Variants in IQCH observed in about 807,000 individuals in gnomAD.
The protein encoded by IQCH is IQ domain-containing protein H.
In IQCH, 98 loss-of-function variants were observed where a neutral mutation model predicts 117.0. That is an observed-to-expected ratio of 0.84 (90% CI 0.71 to 0.99). The LOEUF (loss-of-function observed/expected upper bound fraction) is 0.99. Among genes scored for constraint, IQCH ranks in the 50% least tolerant of loss-of-function variants. The probability of loss-of-function intolerance (pLI) is 0.00; values close to 1 mark genes in which losing one functional copy is unlikely to be tolerated. For synonymous variants in IQCH, 412 were observed against 448.2 expected, an observed-to-expected ratio of 0.92 and a Z score of 1.02; for missense variants, 1,102 against 1,243.8, an observed-to-expected ratio of 0.89 and a Z score of 1.72.
At position 67,254,964 on chromosome 15, in the gene IQCH, C is replaced by T. The variant is rs766788620; in HGVS notation, c.51+17C>T. On this transcript the variant is annotated intron_variant, in intron 1 of 20. Transcript: ENST00000335894. ...TTAATCCAGGTGGGAAACGGGCTTCCCCCGGCCCTGCCCTGCCCAGCCGCG... is the reference window on the plus strand; with the variant it reads ...TTAATCCAGGTGGGAAACGGGCTTCTCCCGGCCCTGCCCTGCCCAGCCGCG... The T allele has an allele frequency of 1.9e-6, 3 of 1,610,324 alleles. No homozygotes were observed. In the East Asian group the frequency reaches 6.7e-5, roughly 36 times the overall value.
Position 67,494,274 on chromosome 15 carries a change from C to G in IQCH, c.2878C>G (p.Leu960Val). 3 of 1,610,584 alleles carry G rather than the reference C, an allele frequency of 1.9e-6. No homozygotes were observed. Residue 960 changes from leucine to valine, a missense_variant, in exon 20 of 21, where the codon CTC becomes GTC. Physicochemically the swap from Leu to Val is conservative, Grantham distance 32. This residue lies in a region of IQCH where 650 missense variants were observed against 794.3 expected (regional missense o/e 0.82). Transcript: ENST00000335894. The surrounding 1 kb of genome is among the most constrained non-coding windows in gnomAD (Gnocchi z 5.5). ...CATTAACAGAACAATCGGCGAGGATCTCCAGGGGGTCCTCATGACCTTTGC... is the reference window on the plus strand; with the variant it reads ...CATTAACAGAACAATCGGCGAGGATGTCCAGGGGGTCCTCATGACCTTTGC... ...KLGMLTIGED[L>V]QGVLMTFARH... is the part of the protein sequence containing the mutation.
rs769619551 is a variant in IQCH at position 67,490,096 on chromosome 15, A to T, written c.2861+32A>T. 1.3e-5 allele frequency: 16 copies of T among 1,279,318 alleles called. No individual in the cohort carries two copies. Among genetic ancestry groups the T allele is most frequent in the Non-Finnish European group, 1.3e-5 (12 of 929,722 alleles). The allele number at this position is 1,279,318 out of a possible 1,614,324, so 79.2% of individuals were successfully genotyped here. ...ATGAAGTGTATCTGTGAGTTGCAAT[A>T]AGCTAAGGAAATAGACAATCACAAC... On this transcript the variant is annotated intron_variant, in intron 19 of 20. Coordinates refer to ENST00000335894, the MANE Select transcript of IQCH (RefSeq NM_001031715.3). The surrounding 1 kb of genome is among the most constrained non-coding windows in gnomAD (Gnocchi z 4.9).
rs1273736463 is a variant in IQCH at position 67,391,926 on chromosome 15, T to G, written c.1632+2920T>G. On this transcript the variant is annotated intron_variant, in intron 12 of 20. Coordinates refer to ENST00000335894, the MANE Select transcript of IQCH (RefSeq NM_001031715.3). This position sits in a 1 kb window ranked among gnomAD's most constrained non-coding sequence, Gnocchi z 4.3. ...CAGAACTCCATCCTGGCTGGAAATA[T>G]GCTCAGAATGTTAACATTAGGTTCT... Among the ~76,000 whole-genome samples, 5 of 152,166 alleles carry G rather than the reference T, an allele frequency of 3.3e-5. No homozygotes were observed. The highest frequency in any genetic ancestry group is 2.0e-4 in the Admixed American group (3 of 15,274).
intron 14 of IQCH, among the ~76,000 whole-genome samples, chr15:67,402,546 GTCC>G (rs1220577137): frequency 6.6e-6 from 1 of 152,144 alleles, no homozygotes; most frequent in Non-Finnish European, 1.5e-5. Flanking sequence ...ATGTTTTAAT[GTCC>G]TATTACAGTT....
chr15:67,368,990 A>G (rs1192162660), intron 8 of IQCH, among the ~76,000 whole-genome samples: 1 of 152,056 alleles, frequency 6.6e-6, no homozygotes, highest in Admixed American at 6.5e-5. Context: ...GGCTCAAGCA[A>G]TCCTCTCACC....
chr15:67,293,227 A>G (rs1049881469), intron 4 of IQCH, among the ~76,000 whole-genome samples: 1 of 152,210 alleles, frequency 6.6e-6, no homozygotes, highest in Admixed American at 6.5e-5. Flanking sequence ...GTTGGGCCCT[A>G]TTTTAGGCAT....
intron 4 of IQCH, among the ~76,000 whole-genome samples, chr15:67,311,272 T>G (rs1967582047): frequency 6.6e-6 from 1 of 151,326 alleles, no homozygotes; most frequent in Admixed American, 6.6e-5. Context: ...ACAAAAAATT[T>G]CTACTATTTT....
chr15:67,451,672 G>T (rs912890525), intron 16 of IQCH, among the ~76,000 whole-genome samples: 2 of 152,138 alleles, frequency 1.3e-5, no homozygotes, highest in Non-Finnish European at 2.9e-5. Flanking sequence ...AGTAGGTGTG[G>T]TGTGGTGCTG....
In IQCH at chr15:67,403,056, T is replaced by C. The variant is rs1283436642; in HGVS notation, c.2097+2751T>C. On this transcript the variant is annotated intron_variant, in intron 14 of 20. Transcript: ENST00000335894. This position sits in a 1 kb window ranked among gnomAD's most constrained non-coding sequence, Gnocchi z 4.8. ...TGAGGTCAGGAGTTCCAGGCCAGCC[T>C]GGCCAACATAGTGAAACCTCGTCTC... Among the ~76,000 whole-genome samples the C allele has an allele frequency of 6.6e-6, 1 of 152,178 alleles. No individual in the cohort carries two copies. Among genetic ancestry groups the C allele is most frequent in the Admixed American group, 6.5e-5 (1 of 15,280 alleles).
rs762664874 is a variant in IQCH, at chr15:67,491,035, A to G, written c.2861+971A>G. Among the ~76,000 whole-genome samples, 1 of 151,994 alleles carries G rather than the reference A, an allele frequency of 6.6e-6. No homozygotes were observed. Among genetic ancestry groups the G allele is most frequent in the Non-Finnish European group, 1.5e-5 (1 of 67,996 alleles). ...AATTGGGAAACTGTCTCTGCCCTCT[A>G]TTTCTCTTCCTTGTAACCTCTACAG... On this transcript the variant is annotated intron_variant, in intron 19 of 20. Transcript: ENST00000335894. The surrounding 1 kb of genome is among the most constrained non-coding windows in gnomAD (Gnocchi z 4.9).
At chr15:67,448,738 T>C (rs944319386) in intron 16 of IQCH, among the ~76,000 whole-genome samples, 1 of 152,204 alleles carries the variant, frequency 6.6e-6, no homozygotes, top group Non-Finnish European at 1.5e-5. Context: ...GGGTATGATA[T>C]ACCCAATAAT....
rs1391490082 is a variant in IQCH, at chr15:67,476,188, C to G, written c.2799+370C>G. 6.6e-6 allele frequency among the ~76,000 whole-genome samples: 1 copy of G among 152,238 alleles called. No homozygotes were observed. The highest frequency in any genetic ancestry group is 1.5e-5 in the Non-Finnish European group (1 of 68,036). On this transcript the variant is annotated intron_variant, in intron 18 of 20. Transcript: ENST00000335894. This position sits in a 1 kb window ranked among gnomAD's most constrained non-coding sequence, Gnocchi z 4.1. ...TAGCTTCTGTCTTAGTCTGCTGGGGCTGCCATAACAATATAGCACAAGCTA... is the reference window on the plus strand; with the variant it reads ...TAGCTTCTGTCTTAGTCTGCTGGGGGTGCCATAACAATATAGCACAAGCTA...
intron 4 of IQCH, among the ~76,000 whole-genome samples, chr15:67,284,265 A>C (rs1966475754): frequency 6.6e-6 from 1 of 152,066 alleles, no homozygotes. Flanking sequence ...TTTAATTTTT[A>C]GCTCCCACAA....
chr15:67,458,203 T>C lies in IQCH; in HGVS notation c.2506-6924T>C, dbSNP rs2141006768. 1.3e-5 allele frequency among the ~76,000 whole-genome samples: 2 copies of C among 152,334 alleles called. No homozygotes were observed. Among genetic ancestry groups the C allele is most frequent in the South Asian group, 4.1e-4 (2 of 4,830 alleles). On this transcript the variant is annotated intron_variant, in intron 16 of 20. Coordinates refer to ENST00000335894, the MANE Select transcript of IQCH (RefSeq NM_001031715.3). The surrounding 1 kb of genome is among the most constrained non-coding windows in gnomAD (Gnocchi z 4.1). ...ACAAAGGCATCTCAAACTTAACTGA[T>C]CTGAAATCTTGATTTTACCCTCCAA...
intron 16 of IQCH, among the ~76,000 whole-genome samples, chr15:67,450,912 G>A (rs201527946): frequency 5.9e-5 from 9 of 151,858 alleles, no homozygotes; most frequent in African/African-American, 2.2e-4. Context: ...CCTGTTATTG[G>A]TCTATTCAGA....
Position 67,431,467 on chromosome 15 carries a change from C to T in IQCH, c.2505+9890C>T, listed in dbSNP as rs544739318. ...CAGGGACACATAGAGGGGAACACCA[C>T]GCACTGAGGCCTATCAAAGGGTGGA... On this transcript the variant is annotated intron_variant, in intron 16 of 20. Transcript: ENST00000335894. The surrounding 1 kb of genome is among the most constrained non-coding windows in gnomAD (Gnocchi z 4.8). Among the ~76,000 whole-genome samples, 7 of 152,024 alleles carry T rather than the reference C, an allele frequency of 4.6e-5. No homozygotes were observed. The highest frequency in any genetic ancestry group is 4.2e-4 in the South Asian group (2 of 4,806).
chr15:67,346,320 C>CCA lies in IQCH; in HGVS notation c.637+2129_637+2130insCA, dbSNP rs1555458277. On this transcript the variant is annotated intron_variant, in intron 6 of 20. Coordinates refer to ENST00000335894, the MANE Select transcript of IQCH (RefSeq NM_001031715.3). ...ATCAATAGAACTAGTAACCCCCCCC[C>CCA]AAAAAAATACTATAGAACAGTGGTC... Among the ~76,000 whole-genome samples the CCA allele has an allele frequency of 5.6e-3, 857 of 151,758 alleles. 6 individuals carry two copies. The highest frequency in any genetic ancestry group is 0.02 in the African/African-American group (811 of 41,366).
rs781051273 is a variant in IQCH, at chr15:67,372,598, G to A, written c.1241G>A (p.Arg414Gln). The change falls in exon 9 of 21, where the codon CGA (arginine) becomes CAA (glutamine). Residue 414 changes from arginine (R) to glutamine (Q), a missense_variant. Physicochemically the swap from Arg to Gln is conservative, Grantham distance 43. This residue lies in a region of IQCH where 650 missense variants were observed against 794.3 expected (regional missense o/e 0.82). Transcript: ENST00000335894. ...TGGCTGTTATATTGCCATAAGACTC[G>A]ACTAAAGAAGATACTAAAGGAATCA... ...IAWLLYCHKT[R>Q]LKKILKESRQ... 2.4e-5 allele frequency: 39 copies of A among 1,613,718 alleles called. No homozygotes were observed. The Admixed American group carries it at 3.5e-4, about 14-fold the overall frequency.
At position 67,427,539 on chromosome 15, in the gene IQCH, A is replaced by G. The variant is rs192092821; in HGVS notation, c.2505+5962A>G. ...CCTCCAGCTCTTCTTCTAAATTGCT[A>G]TATTACCTTGAACTTATCACTTTCC... On this transcript the variant is annotated intron_variant, in intron 16 of 20. Coordinates refer to ENST00000335894, the MANE Select transcript of IQCH (RefSeq NM_001031715.3). This position sits in a 1 kb window ranked among gnomAD's most constrained non-coding sequence, Gnocchi z 4.7. Among the ~76,000 whole-genome samples the G allele has an allele frequency of 5.3e-4, 80 of 152,024 alleles. 1 individual carries two copies. Among genetic ancestry groups the G allele is most frequent in the Admixed American group, 5.9e-4 (9 of 15,262 alleles).
Sources: allele counts gnomAD v4.1 joint callset (sites outside exome capture counted in the v4.1 genomes callset), GRCh38; gene constraint gnomAD v4.1.1; regional missense constraint gnomAD v4.1.1; non-coding constraint Gnocchi (gnomAD v3.1); transcripts MANE v1.5; gene names NCBI Gene and HGNC (gene_info 2026-07-23, HGNC 2026-07-21).